RBFOX1: variants seen among roughly 807,000 people sequenced by gnomAD.
The protein encoded by RBFOX1 is RNA binding fox-1 homolog 1.
Under a neutral mutation model 57.7 loss-of-function variants are expected in RBFOX1, and 8 were observed. The observed-to-expected ratio is 0.14, with a 90% CI of 0.08 to 0.25. The LOEUF (loss-of-function observed/expected upper bound fraction) is 0.25, where lower values mean the gene tolerates loss of function less well. Ranked by LOEUF, RBFOX1 falls within the 10% of genes least tolerant of loss-of-function variation. The pLI, the probability that RBFOX1 is intolerant of heterozygous loss-of-function variation, is 1.00. For missense variants in RBFOX1, 611 were observed against 548.5 expected, an observed-to-expected ratio of 1.11 and a Z score of -1.14; for synonymous variants, 326 against 222.4, an observed-to-expected ratio of 1.47 and a Z score of -4.15.
chr16:7,178,555 A>C (rs1356865453), intron 4 of RBFOX1, among the ~76,000 whole-genome samples: 1 of 152,226 alleles, frequency 6.6e-6, no homozygotes, highest in African/African-American at 2.4e-5. Context: ...ACCTATCTGC[A>C]TGGTATTTAT....
intron 3 of RBFOX1, among the ~76,000 whole-genome samples, chr16:5,658,798 TGTGTATATATG>T (rs2049544619): frequency 7.2e-6 from 1 of 137,944 alleles, no homozygotes; most frequent in African/African-American, 3.2e-5. Flanking sequence ...ATATAATATA[TGTGTATATATG>T]TATATATAAT....
chr16:7,458,859 G>A (rs752049473), intron 4 of RBFOX1, among the ~76,000 whole-genome samples: 1 of 152,068 alleles, frequency 6.6e-6, no homozygotes, highest in Non-Finnish European at 1.5e-5. Flanking sequence ...GACATACTAT[G>A]TATTTTATGT....
intron 2 of RBFOX1, among the ~76,000 whole-genome samples, chr16:5,551,809 G>T (rs969491198): frequency 1.4e-5 from 2 of 141,436 alleles, no homozygotes; most frequent in Non-Finnish European, 3.1e-5. Flanking sequence ...CCCCCCGACA[G>T]GTGCTGGTGT....
At chr16:6,299,071 A>G (rs955710980) in intron 1 of RBFOX1, among the ~76,000 whole-genome samples, 3 of 152,158 alleles carry the variant, frequency 2.0e-5, no homozygotes, top group Non-Finnish European at 4.4e-5. Flanking sequence ...GCATCTGCCA[A>G]TTGCAACCCA....
intron 4 of RBFOX1, among the ~76,000 whole-genome samples, chr16:7,230,805 T>C (rs542629893): frequency 1.3e-5 from 2 of 152,218 alleles, no homozygotes; most frequent in African/African-American, 4.8e-5. Context: ...CCATTCTTTT[T>C]TGGTCAGTTT....
intron 5 of RBFOX1, among the ~76,000 whole-genome samples, chr16:7,573,966 A>C (rs1244769776): frequency 6.6e-6 from 1 of 152,238 alleles, no homozygotes; most frequent in South Asian, 2.1e-4. Context: ...TGTGCATTCT[A>C]GATGGTTTGT....
At chr16:6,297,058 G>A (rs2078201833) in intron 1 of RBFOX1, among the ~76,000 whole-genome samples, 1 of 152,204 alleles carries the variant, frequency 6.6e-6, no homozygotes, top group Non-Finnish European at 1.5e-5. Context: ...AGACCACAGA[G>A]GGTAACTTCC....
intron 4 of RBFOX1, among the ~76,000 whole-genome samples, chr16:7,289,710 A>G (rs765932287): frequency 2.6e-5 from 4 of 152,158 alleles, no homozygotes; most frequent in Non-Finnish European, 4.4e-5. Context: ...TGTGTTGTGC[A>G]CTTCCTAGGT....
intron 2 of RBFOX1, among the ~76,000 whole-genome samples, chr16:5,478,377 G>C (rs913207750): frequency 6.6e-6 from 1 of 152,046 alleles, no homozygotes; most frequent in Non-Finnish European, 1.5e-5. Context: ...TTCCAGGAAC[G>C]GGTAATGAAT....
At chr16:5,885,341 C>T (rs1201788267) in intron 4 of RBFOX1, among the ~76,000 whole-genome samples, 1 of 150,798 alleles carries the variant, frequency 6.6e-6, no homozygotes, top group East Asian at 2.0e-4. Context: ...AAAAAAACTC[C>T]AAATACGACT....
At chr16:7,392,212 A>C (rs1481194759) in intron 4 of RBFOX1, among the ~76,000 whole-genome samples, 4 of 152,242 alleles carry the variant, frequency 2.6e-5, no homozygotes, top group South Asian at 2.1e-4. Flanking sequence ...CTCTGCCTAC[A>C]TGTCCCTTTT....
In RBFOX1 at chr16:7,627,953, A is replaced by C. The variant is rs111949065; in HGVS notation, c.677-2650A>C. 9.1e-4 allele frequency among the ~76,000 whole-genome samples: 139 copies of C among 152,240 alleles called. 2 individuals carry two copies. The highest frequency in any genetic ancestry group is 3.2e-3 in the African/African-American group (133 of 41,548). On this transcript the variant is annotated intron_variant, in intron 10 of 15. Transcript: ENST00000550418. ...TAACTACGAAGAAAGTATCCAAAGAAAATATTTCAGTCCAGGTTCTCAGAA... is the reference window on the plus strand; with the variant it reads ...TAACTACGAAGAAAGTATCCAAAGACAATATTTCAGTCCAGGTTCTCAGAA...
At chr16:6,803,463 C>T (rs926771429) in intron 3 of RBFOX1, among the ~76,000 whole-genome samples, 1 of 152,188 alleles carries the variant, frequency 6.6e-6, no homozygotes, top group Non-Finnish European at 1.5e-5. Flanking sequence ...TTTGTTATTA[C>T]TTTCCTAGGG....
chr16:7,263,315 C>T (rs2094995252), intron 4 of RBFOX1, among the ~76,000 whole-genome samples: 1 of 152,184 alleles, frequency 6.6e-6, no homozygotes, highest in South Asian at 2.1e-4. Context: ...TTTGGCCCTT[C>T]AGGTAGACAT....
chr16:7,563,530 C>T (rs899631844), intron 5 of RBFOX1, among the ~76,000 whole-genome samples: 5 of 152,294 alleles, frequency 3.3e-5, no homozygotes, highest in East Asian at 3.9e-4. Flanking sequence ...TGCAATGGCA[C>T]GATCTCTGCT....
chr16:7,530,008 C>CAAAAAAAAAAAAAAAAAAAA (rs35251344), intron 5 of RBFOX1, among the ~76,000 whole-genome samples: 1 of 125,070 alleles, frequency 8.0e-6, no homozygotes, highest in African/African-American at 3.0e-5. Flanking sequence ...GACTCCATCT[C>CAAAAAAAAAAAAAAAAAAAA]AAAAAAAAAA....
chr16:6,900,895 G>A (rs1014261065), intron 3 of RBFOX1, among the ~76,000 whole-genome samples: 3 of 152,138 alleles, frequency 2.0e-5, no homozygotes, highest in Non-Finnish European at 4.4e-5. Flanking sequence ...CTTGTGAACT[G>A]CTAGATCCCC....
chr16:6,733,947 G>C (rs1259647111), intron 3 of RBFOX1, among the ~76,000 whole-genome samples: 2 of 152,112 alleles, frequency 1.3e-5, no homozygotes. Flanking sequence ...TAGCATCGTT[G>C]TCTATCTTTA....
intron 3 of RBFOX1, among the ~76,000 whole-genome samples, chr16:6,957,040 T>G (rs928410723): frequency 1.3e-4 from 19 of 151,270 alleles, no homozygotes; most frequent in Non-Finnish European, 2.2e-4. Context: ...AATAGGCATA[T>G]TCCATCGGCA....
Sources: allele counts gnomAD v4.1 joint callset (sites outside exome capture counted in the v4.1 genomes callset), GRCh38; gene constraint gnomAD v4.1.1; transcripts MANE v1.5; gene names NCBI Gene and HGNC (gene_info 2026-07-23, HGNC 2026-07-21).